The following RFX3 variants were observed in gnomAD, a reference collection of about 807,000 sequenced individuals.
RFX3 encodes transcription factor RFX3.
In RFX3, 14 loss-of-function variants were observed where a neutral mutation model predicts 98.6. That is an observed-to-expected ratio of 0.14 (90% confidence interval 0.09 to 0.22). The LOEUF is 0.22. Among genes scored for constraint, RFX3 ranks in the 10% least tolerant of loss-of-function variants. The pLI is 1.00. For missense variants in RFX3, 639 were observed against 926.9 expected (o/e 0.69, Z 4.03); for synonymous variants, 383 against 328.4 (o/e 1.17, Z -1.80).
intron 1 of RFX3, among the ~76,000 whole-genome samples, chr9:3,419,412 A>G (rs962611066): frequency 2.0e-5 from 3 of 152,230 alleles, no homozygotes; most frequent in Admixed American, 6.5e-5. Flanking sequence ...TTTTTTACTA[A>G]GTATCTTAAA....
chr9:3,333,665 A>T (rs1184907717), intron 3 of RFX3, among the ~76,000 whole-genome samples: 1 of 152,188 alleles, frequency 6.6e-6, no homozygotes, highest in Non-Finnish European at 1.5e-5. Flanking sequence ...CTGTGCTTAA[A>T]ATAGCACAAT....
chr9:3,369,189 G>A (rs1358216153), intron 2 of RFX3, among the ~76,000 whole-genome samples: 1 of 152,182 alleles, frequency 6.6e-6, no homozygotes, highest in Admixed American at 6.5e-5. Flanking sequence ...GGTAACTTAC[G>A]AACAACAGAA....
At chr9:3,505,639 A>G (rs1480229189) in intron 1 of RFX3, among the ~76,000 whole-genome samples, 1 of 150,910 alleles carries the variant, frequency 6.6e-6, no homozygotes, top group South Asian at 2.1e-4. Context: ...TATTATAAAT[A>G]TACAAAGCCA....
chr9:3,358,771 G>C (rs745537924), intron 2 of RFX3, among the ~76,000 whole-genome samples: 23 of 152,082 alleles, frequency 1.5e-4, no homozygotes, highest in Non-Finnish European at 2.5e-4. Flanking sequence ...CACAGGGCTT[G>C]GGAGGCCTCA....
chr9:3,399,948 CAAA>C (rs61409115), intron 1 of RFX3, among the ~76,000 whole-genome samples: 8 of 95,820 alleles, frequency 8.3e-5, no homozygotes, highest in Non-Finnish European at 6.7e-5. Flanking sequence ...GACTCCGTCT[CAAA>C]AAAAAAAAAA....
intron 1 of RFX3, among the ~76,000 whole-genome samples, chr9:3,450,449 T>C (rs1457466320): frequency 6.6e-6 from 1 of 152,064 alleles, no homozygotes; most frequent in East Asian, 1.9e-4. Flanking sequence ...CTCTGTTCAA[T>C]ACACAAATTT....
At chr9:3,228,278 A>C (rs1440328182) in intron 16 of RFX3, among the ~76,000 whole-genome samples, 1 of 152,066 alleles carries the variant, frequency 6.6e-6, no homozygotes, top group Non-Finnish European at 1.5e-5. Flanking sequence ...GTTGATCTTG[A>C]GGTTCTTCAG....
At chr9:3,238,155 C>G (rs866220) in intron 15 of RFX3, among the ~76,000 whole-genome samples, 1 of 151,968 alleles carries the variant, frequency 6.6e-6, no homozygotes, top group Non-Finnish European at 1.5e-5. Flanking sequence ...CAAATACTAT[C>G]GATAAAACAG....
intron 1 of RFX3, among the ~76,000 whole-genome samples, chr9:3,501,331 T>C (rs1341375690): frequency 2.0e-5 from 3 of 152,054 alleles, no homozygotes; most frequent in Non-Finnish European, 4.4e-5. Context: ...GATATATAAA[T>C]AGAGTTGGTA....
At chr9:3,331,240 C>T (rs548867191) in intron 3 of RFX3, among the ~76,000 whole-genome samples, 81 of 152,316 alleles carry the variant, frequency 5.3e-4, no homozygotes, top group Non-Finnish European at 8.2e-4. Flanking sequence ...AGCTAAAAGA[C>T]TCCTGTCAGT....
rs570905692 is a variant in RFX3, at chr9:3,403,478, C to T, written c.-8-7882G>A. On this transcript the variant is annotated intron_variant, in intron 1 of 16. Coordinates refer to ENST00000617270, the MANE Select transcript of RFX3 (RefSeq NM_001282116.2). ...TGTAGACTGTTCAGCAGTCATCTTC[C>T]TGTGATAACTGATGACAGTGATTAA... is the stretch of plus-strand genomic sequence containing the variant. 8.5e-5 allele frequency among the ~76,000 whole-genome samples: 13 copies of T among 152,160 alleles called. No homozygotes were observed. The South Asian group carries it at 2.3e-3, about 27-fold the overall frequency.
At chr9:3,234,992 C>A (rs912993671) in intron 15 of RFX3, among the ~76,000 whole-genome samples, 18 of 152,228 alleles carry the variant, frequency 1.2e-4, no homozygotes, top group African/African-American at 3.9e-4. Flanking sequence ...TGAGAAAAAT[C>A]ATCTTCCTCC....
chr9:3,388,302 T>C lies in RFX3; in HGVS notation c.117+7170A>G, dbSNP rs370140556. ...AGATACCCAAAATAAAGAGATCTAA[T>C]GGAGACTATTCATTTAAATCTTACC... On this transcript the variant is annotated intron_variant, in intron 2 of 16. Transcript: ENST00000617270. Among the ~76,000 whole-genome samples, 200 of 152,280 alleles carry C rather than the reference T, an allele frequency of 1.3e-3. 1 individual carries two copies. Among genetic ancestry groups the C allele is most frequent in the African/African-American group, 4.6e-3 (190 of 41,580 alleles).
chr9:3,399,322 T>C (rs1841241325), intron 1 of RFX3, among the ~76,000 whole-genome samples: 1 of 149,664 alleles, frequency 6.7e-6, no homozygotes, highest in Admixed American at 6.7e-5. Context: ...TGGGCACCTG[T>C]AATCCCAGCT....
At chr9:3,456,264 TA>T (rs1413196871) in intron 1 of RFX3, among the ~76,000 whole-genome samples, 4 of 152,224 alleles carry the variant, frequency 2.6e-5, no homozygotes, top group African/African-American at 9.6e-5. Flanking sequence ...CAGTGACAGT[TA>T]AACCACAACT....
chr9:3,228,756 C>A (rs1022086645), intron 16 of RFX3, 91 bp downstream of exon 16: 3 of 999,826 alleles, frequency 3.0e-6, no homozygotes. Context: ...TCCACAAAAT[C>A]AGAGTGTTGT....
At chr9:3,391,337 G>C (rs973254158) in intron 2 of RFX3, among the ~76,000 whole-genome samples, 4 of 151,944 alleles carry the variant, frequency 2.6e-5, no homozygotes, top group Non-Finnish European at 5.9e-5. Context: ...GAAAAAAAAA[G>C]AAAAATAACG....
intron 1 of RFX3, among the ~76,000 whole-genome samples, chr9:3,459,467 A>C (rs1446496297): frequency 6.6e-6 from 1 of 152,124 alleles, no homozygotes; most frequent in African/African-American, 2.4e-5. Context: ...TGGAAAACAT[A>C]AAATTGGCGC....
chr9:3,366,754 T>TTTC (rs1339066119), intron 2 of RFX3, among the ~76,000 whole-genome samples: 22 of 72,736 alleles, frequency 3.0e-4, no homozygotes, highest in African/African-American at 8.3e-4. Context: ...TTCTTTCTTT[T>TTTC]TGGCTATTCT....
Sources: gnomAD v4.1 joint callset for allele counts (sites outside exome capture counted in the v4.1 genomes callset) on GRCh38, gnomAD v4.1.1 for gene constraint, MANE v1.5 for transcripts, NCBI Gene and HGNC (gene_info 2026-07-23, HGNC 2026-07-21) for gene names.